ATP2B1: variants seen among roughly 807,000 people sequenced by gnomAD.
ATP2B1 encodes plasma membrane calcium-transporting ATPase 1.
Under a neutral mutation model 124.2 loss-of-function variants are expected in ATP2B1, and 14 were observed. The ratio of observed to expected loss-of-function variants is 0.11; its 90% CI spans 0.07 to 0.18. ATP2B1 has a LOEUF of 0.18. Among genes scored for constraint, ATP2B1 ranks in the 10% least tolerant of loss-of-function variants. The pLI, the probability that ATP2B1 is intolerant of heterozygous loss-of-function variation, is 1.00. For missense variants in ATP2B1, 763 were observed against 1,466.1 expected, an observed-to-expected ratio of 0.52 and a Z score of 7.83; for synonymous variants, 449 against 492.4, an observed-to-expected ratio of 0.91 and a Z score of 1.17.
intron 1 of ATP2B1, among the ~76,000 whole-genome samples, chr12:89,684,674 T>C (rs1368246099): frequency 6.6e-6 from 1 of 152,062 alleles, no homozygotes; most frequent in African/African-American, 2.4e-5. Flanking sequence ...AAAAAGTGAG[T>C]TATTTTAGAG....
chr12:89,662,040 T>C (rs372585601), intron 1 of ATP2B1, among the ~76,000 whole-genome samples: 1 of 152,270 alleles, frequency 6.6e-6, no homozygotes, highest in African/African-American at 2.4e-5. Context: ...CCTAAATTTA[T>C]GGCCCATTAC....
At chr12:89,645,330 T>A (rs1374659618) in intron 2 of ATP2B1, among the ~76,000 whole-genome samples, 1 of 152,218 alleles carries the variant, frequency 6.6e-6, no homozygotes, top group Non-Finnish European at 1.5e-5. Flanking sequence ...AAACGAACAG[T>A]TTTGTAACAA....
chr12:89,648,450 A>G (rs1247130244), intron 2 of ATP2B1, among the ~76,000 whole-genome samples: 1 of 152,136 alleles, frequency 6.6e-6, no homozygotes, highest in Non-Finnish European at 1.5e-5. Context: ...AAGAGTAATG[A>G]CCTAGGGTAT....
intron 1 of ATP2B1, among the ~76,000 whole-genome samples, chr12:89,688,494 A>G (rs1333637629): frequency 6.6e-6 from 1 of 152,138 alleles, no homozygotes; most frequent in Non-Finnish European, 1.5e-5. Flanking sequence ...ATTTAGCACT[A>G]TGATAAATGG....
At chr12:89,695,309 G>A (rs547182144) in intron 1 of ATP2B1, among the ~76,000 whole-genome samples, 1 of 152,084 alleles carries the variant, frequency 6.6e-6, no homozygotes, top group South Asian at 2.1e-4. Flanking sequence ...AACCAAGAAG[G>A]AACACCAGAC....
At chr12:89,613,598 TATCTC>T (rs1240584953) in intron 12 of ATP2B1, among the ~76,000 whole-genome samples, 1 of 152,236 alleles carries the variant, frequency 6.6e-6, no homozygotes, top group Non-Finnish European at 1.5e-5. Context: ...TATCTCCTGT[TATCTC>T]ATTTGAGATA....
Position 89,603,460 on chromosome 12 carries a change from G to C in ATP2B1, c.2849-206C>G. On this transcript the variant is annotated intron_variant, in intron 17 of 20. Coordinates refer to ENST00000428670, the MANE Select transcript of ATP2B1 (RefSeq NM_001366521.1). This position sits in a 1 kb window ranked among gnomAD's most constrained non-coding sequence, Gnocchi z 4.3. ...TCCCAAAACTATGGTGATAATCTCA[G>C]GATCACATATCTAAATTAGTGGAGA... The C allele has an allele frequency of 1.6e-6, 1 of 632,848 alleles. No homozygotes were observed. The highest frequency in any genetic ancestry group is 2.8e-5 in the East Asian group (1 of 36,348). 39.2% of individuals were successfully genotyped at this position (632,848 alleles called of 1,614,324 possible).
At chr12:89,634,742 G>C (rs1565848922) in intron 5 of ATP2B1, 36 bp downstream of exon 5, 2 of 1,535,244 alleles carry the variant, frequency 1.3e-6, no homozygotes, top group Non-Finnish European at 8.8e-7. Flanking sequence ...AGTTGCGAAA[G>C]AGGAAAGTGT....
intron 11 of ATP2B1, among the ~76,000 whole-genome samples, chr12:89,619,632 A>AAAAAG (rs1879634695): frequency 1.3e-5 from 2 of 151,302 alleles, no homozygotes; most frequent in African/African-American, 2.4e-5. Flanking sequence ...AAAAAAAAAA[A>AAAAAG]AAAGAAAGAA....
intron 1 of ATP2B1, among the ~76,000 whole-genome samples, chr12:89,667,731 T>A (rs1399080680): frequency 1.3e-5 from 2 of 152,162 alleles, no homozygotes; most frequent in Non-Finnish European, 2.9e-5. Context: ...CTAAAAGAAA[T>A]CACAGATGAT....
intron 2 of ATP2B1, among the ~76,000 whole-genome samples, chr12:89,646,831 ATT>A (rs1013956534): frequency 6.7e-6 from 1 of 149,516 alleles, no homozygotes; most frequent in African/African-American, 2.4e-5. Context: ...TTTTATTTGC[ATT>A]TTTTTTTTTA....
chr12:89,673,939 G>T (rs955879239), intron 1 of ATP2B1, among the ~76,000 whole-genome samples: 9 of 152,112 alleles, frequency 5.9e-5, no homozygotes, highest in African/African-American at 1.9e-4. Context: ...TTCAAGTTGG[G>T]TTTTTCTAGC....
chr12:89,643,043 G>T (rs1255549240), intron 2 of ATP2B1, among the ~76,000 whole-genome samples: 3 of 146,046 alleles, frequency 2.1e-5, no homozygotes, highest in Admixed American at 6.8e-5. Flanking sequence ...ACAAAACTGG[G>T]AAGTTTATAT....
chr12:89,604,486 C>T (rs1876453083), intron 15 of ATP2B1, 140 bp from the exon 16 acceptor site: 8 of 614,344 alleles, frequency 1.3e-5, no homozygotes, highest in Non-Finnish European at 2.1e-5. Flanking sequence ...AAGAAGGTAA[C>T]AGAGTTATTC....
chr12:89,682,756 G>A (rs1889508886), intron 1 of ATP2B1, among the ~76,000 whole-genome samples: 1 of 152,152 alleles, frequency 6.6e-6, no homozygotes. Flanking sequence ...AGAAAACATA[G>A]GTGAACCACT....
intron 1 of ATP2B1, among the ~76,000 whole-genome samples, chr12:89,658,908 C>G (rs921266724): frequency 3.3e-5 from 5 of 152,120 alleles, no homozygotes; most frequent in African/African-American, 1.2e-4. Context: ...AGCCACTTTC[C>G]CAAAGTGGAC....
chr12:89,635,952 C>T (rs559444631), intron 3 of ATP2B1, among the ~76,000 whole-genome samples: 11 of 151,972 alleles, frequency 7.2e-5, no homozygotes, highest in African/African-American at 1.2e-4. Context: ...AGACTGGGGA[C>T]GGTATATGAA....
At chr12:89,657,823 CAT>C (rs1428291398) in intron 1 of ATP2B1, among the ~76,000 whole-genome samples, 3 of 152,184 alleles carry the variant, frequency 2.0e-5, no homozygotes, top group African/African-American at 4.8e-5. Context: ...ACTTAGAATT[CAT>C]ATGAGTGAGT....
At chr12:89,672,476 A>C (rs1888114208) in intron 1 of ATP2B1, among the ~76,000 whole-genome samples, 1 of 152,150 alleles carries the variant, frequency 6.6e-6, no homozygotes, top group African/African-American at 2.4e-5. Flanking sequence ...CAATTTTAAA[A>C]AGGAAGAAAA....
Sources: gnomAD v4.1 joint callset for allele counts (sites outside exome capture counted in the v4.1 genomes callset) on GRCh38, gnomAD v4.1.1 for gene constraint, Gnocchi (gnomAD v3.1) non-coding constraint, MANE v1.5 for transcripts, NCBI Gene and HGNC (gene_info 2026-07-23, HGNC 2026-07-21) for gene names.